CNR1: variants seen among roughly 807,000 people sequenced by gnomAD.
CNR1 encodes the protein cannabinoid receptor 1.
A neutral mutation model predicts 23.0 loss-of-function variants in CNR1; 10 were observed. The observed-to-expected ratio is 0.43, with a 90% CI of 0.27 to 0.74. CNR1 has a LOEUF of 0.74. Ranked by LOEUF, CNR1 falls within the 30% of genes least tolerant of loss-of-function variation. The pLI, the probability that CNR1 is intolerant of heterozygous loss-of-function variation, is 0.19. For missense variants in CNR1, 422 were observed against 618.8 expected (o/e 0.68, Z 3.37); for synonymous variants, 271 against 255.2 (o/e 1.06, Z -0.59).
intron 1 of CNR1, among the ~76,000 whole-genome samples, chr6:88,163,398 G>A (rs959052363): frequency 2.0e-5 from 3 of 152,178 alleles, no homozygotes; most frequent in African/African-American, 7.2e-5. Context: ...TGGTAAGCGT[G>A]GTGAACTATA....
At position 88,140,457 on chromosome 6, in the gene CNR1, A is replaced by C. The variant is rs950750969; in HGVS notation, c.*3399T>G. On this transcript the variant is annotated 3_prime_UTR_variant, in exon 2 of 2. Coordinates refer to ENST00000369501, the MANE Select transcript of CNR1 (RefSeq NM_016083.6). ...AACCTATTTACATACATTCAGCCCA[A>C]ATCAGTAGATAGAATGTTTTTTTCT... 1 of 152,732 alleles carries C rather than the reference A, an allele frequency of 6.5e-6. No individual in the cohort carries two copies. The highest frequency in any genetic ancestry group is 6.5e-5 in the Admixed American group (1 of 15,282). The allele number at this position is 152,732 out of a possible 1,614,324, so 9.5% of individuals were successfully genotyped here. A position where few individuals can be genotyped will look rare whatever the true frequency, so the allele number is the denominator to read the frequency against.
chr6:88,145,183 T>C lies in CNR1; in HGVS notation c.92A>G (p.Glu31Gly). ...LYVGSNDIQY[E>G]DIKGDMASKL... ...GGATGCCATGTCACCTTTGATGTCT[T>C]CGTACTGAATGTCATTTGAGCCCAC... The change falls in exon 2 of 2, where the codon GAA becomes GGA. Residue 31 changes from glutamate (E) to glycine (G), a missense_variant. Around this residue, in one of 4 missense-constraint regions of CNR1, gnomAD observed 120 missense variants for 117.6 expected, o/e 1.02. Transcript: ENST00000369501. 3 of 1,614,130 alleles carry C rather than the reference T, an allele frequency of 1.9e-6. No homozygotes were observed. Among genetic ancestry groups the C allele is most frequent in the Non-Finnish European group, 1.7e-6 (2 of 1,180,014 alleles).
At chr6:88,145,676 T>C (rs1432335266) in intron 1 of CNR1, among the ~76,000 whole-genome samples, 2 of 152,212 alleles carry the variant, frequency 1.3e-5, no homozygotes, top group East Asian at 1.9e-4. Flanking sequence ...GTCCATTTCA[T>C]AGTCACGTTA....
intron 1 of CNR1, among the ~76,000 whole-genome samples, chr6:88,148,807 T>A (rs957323230): frequency 6.6e-6 from 1 of 152,224 alleles, no homozygotes; most frequent in African/African-American, 2.4e-5. Flanking sequence ...TCAGCACTAA[T>A]GTGACAGGTA....
At chr6:88,152,472 G>A (rs1218883873) in intron 1 of CNR1, among the ~76,000 whole-genome samples, 3 of 152,146 alleles carry the variant, frequency 2.0e-5, no homozygotes, top group African/African-American at 4.8e-5. Flanking sequence ...TAAGATCACC[G>A]CAAGTGTGAT....
intron 1 of CNR1, among the ~76,000 whole-genome samples, chr6:88,153,727 G>A (rs891296550): frequency 1.3e-5 from 2 of 152,196 alleles, no homozygotes; most frequent in African/African-American, 4.8e-5. Flanking sequence ...AGAAAATACT[G>A]TGCTAATGTA....
Position 88,141,549 on chromosome 6 carries a change from CAT to C in CNR1, c.*2305_*2306del. ...TGGTACTGCCTGGTGAGCTCTGAAA[CAT>C]GTGGATTAATGTTCAAGATGATGCA... On this transcript the variant is annotated 3_prime_UTR_variant, in exon 2 of 2. Coordinates refer to ENST00000369501, the MANE Select transcript of CNR1 (RefSeq NM_016083.6). The C allele has an allele frequency of 6.6e-6, 1 of 152,352 alleles. No homozygotes were observed. Among genetic ancestry groups the C allele is most frequent in the East Asian group, 1.9e-4 (1 of 5,338 alleles). 9.4% of individuals were successfully genotyped at this position (152,352 alleles called of 1,614,324 possible).
intron 1 of CNR1, among the ~76,000 whole-genome samples, chr6:88,162,071 T>C (rs1393288958): frequency 6.6e-6 from 1 of 152,200 alleles, no homozygotes; most frequent in Non-Finnish European, 1.5e-5. Flanking sequence ...CACCCTGGCA[T>C]ACTTGCAAGA....
intron 1 of CNR1, among the ~76,000 whole-genome samples, chr6:88,159,660 C>T (rs552734423): frequency 1.3e-5 from 2 of 152,318 alleles, no homozygotes; most frequent in East Asian, 1.9e-4. Context: ...TTCCCACATA[C>T]GCAGAGACAC....
In CNR1 at chr6:88,144,615, C is replaced by T. The variant is rs1245814679; in HGVS notation, c.660G>A (p.Arg220=). The change falls in exon 2 of 2, where the codon AGG becomes AGA. Residue 220 remains arginine (R), a synonymous_variant. Transcript: ENST00000369501. This position sits in a 1 kb window ranked among gnomAD's most constrained non-coding sequence, Gnocchi z 7.8. ...TGACAATCCTCTTATAGGCCAGGGGCCTGTGAATGGATATGTACCTGTCGA... is the reference window on the plus strand; with the variant it reads ...TGACAATCCTCTTATAGGCCAGGGGTCTGTGAATGGATATGTACCTGTCGA... ...TAIDRYISIH[R]PLAYKRIVTR... is the part of the protein sequence containing the mutation. 1.9e-6 allele frequency: 3 copies of T among 1,614,216 alleles called. No homozygotes were observed. Among genetic ancestry groups the T allele is most frequent in the South Asian group, 2.2e-5 (2 of 91,086 alleles).
chr6:88,158,132 A>C (rs971954393), intron 1 of CNR1, among the ~76,000 whole-genome samples: 5 of 152,238 alleles, frequency 3.3e-5, no homozygotes, highest in Non-Finnish European at 5.9e-5. Context: ...ATTACATACA[A>C]ACAGAACTGG....
chr6:88,163,834 T>C (rs1393715685), intron 1 of CNR1, among the ~76,000 whole-genome samples: 1 of 152,214 alleles, frequency 6.6e-6, no homozygotes, highest in Non-Finnish European at 1.5e-5. Context: ...AAGAACACAC[T>C]GATCCTGCAG....
chr6:88,159,661 G>A (rs767210009), intron 1 of CNR1, among the ~76,000 whole-genome samples: 17 of 152,104 alleles, frequency 1.1e-4, no homozygotes, highest in Admixed American at 6.5e-4. Context: ...TCCCACATAC[G>A]CAGAGACACA....
rs1776964637 is a variant in CNR1 at position 88,143,763 on chromosome 6, T to TA, written c.*92dup. ...ACCTTTTCATTGAGCATGGTAAAGTTAAAAAAATATAACCAAGGAGACAAT... is the reference window on the plus strand; with the variant it reads ...ACCTTTTCATTGAGCATGGTAAAGTTAAAAAAAATATAACCAAGGAGACAAT... On this transcript the variant is annotated 3_prime_UTR_variant, in exon 2 of 2. Coordinates refer to ENST00000369501, the MANE Select transcript of CNR1 (RefSeq NM_016083.6). 1.1e-6 allele frequency: 1 copy of TA among 910,178 alleles called. No individual in the cohort carries two copies. 56.4% of individuals were successfully genotyped at this position (910,178 alleles called of 1,614,324 possible).
intron 1 of CNR1, among the ~76,000 whole-genome samples, chr6:88,154,279 CA>C (rs1777680542): frequency 6.6e-6 from 1 of 152,050 alleles, no homozygotes; most frequent in Non-Finnish European, 1.5e-5. Flanking sequence ...TACTTCTGTT[CA>C]AATTTAATGT....
At chr6:88,158,510 T>C (rs896977399) in intron 1 of CNR1, among the ~76,000 whole-genome samples, 5 of 152,144 alleles carry the variant, frequency 3.3e-5, no homozygotes, top group African/African-American at 1.2e-4. Context: ...AAGGGTGGTC[T>C]CCCAACCAGA....
At chr6:88,158,167 C>A (rs1404399124) in intron 1 of CNR1, among the ~76,000 whole-genome samples, 1 of 152,092 alleles carries the variant, frequency 6.6e-6, no homozygotes, top group African/African-American at 2.4e-5. Context: ...AGTAGCAATG[C>A]AAAATATGCT....
chr6:88,143,246 A>C lies in CNR1; in HGVS notation c.*610T>G, dbSNP rs1776927391. 6.6e-6 allele frequency: 1 copy of C among 152,594 alleles called. No individual in the cohort carries two copies. The highest frequency in any genetic ancestry group is 6.5e-5 in the Admixed American group (1 of 15,282). 9.5% of individuals were successfully genotyped at this position (152,594 alleles called of 1,614,324 possible). Reference sequence around the variant, plus strand: ...GTCAAAATTAAATAGAGATATTTGAAGAAATATTAAGGTTTATTTCTAAAG... The same window carrying C: ...GTCAAAATTAAATAGAGATATTTGACGAAATATTAAGGTTTATTTCTAAAG... On this transcript the variant is annotated 3_prime_UTR_variant, in exon 2 of 2. Coordinates refer to ENST00000369501, the MANE Select transcript of CNR1 (RefSeq NM_016083.6).
intron 1 of CNR1, among the ~76,000 whole-genome samples, chr6:88,163,617 T>C (rs1778216400): frequency 6.6e-6 from 1 of 152,218 alleles, no homozygotes; most frequent in Admixed American, 6.5e-5. Context: ...ATTAATAAGC[T>C]GACACTGCAT....
Sources: gnomAD v4.1 joint callset for allele counts (sites outside exome capture counted in the v4.1 genomes callset) on GRCh38, gnomAD v4.1.1 for gene constraint, gnomAD v4.1.1 regional missense constraint, Gnocchi (gnomAD v3.1) non-coding constraint, MANE v1.5 for transcripts, NCBI Gene and HGNC (gene_info 2026-07-23, HGNC 2026-07-21) for gene names.